The following PAWR variants were observed in gnomAD, a reference collection of about 807,000 sequenced individuals.
PAWR encodes PRKC apoptosis WT1 regulator protein.
A neutral mutation model predicts 32.0 loss-of-function variants in PAWR; 23 were observed. That is an observed-to-expected ratio of 0.72 (90% CI 0.52 to 1.02). The LOEUF is 1.02. Ranked by LOEUF, PAWR falls within the 50% of genes least tolerant of loss-of-function variation. PAWR has a pLI of 0.00. For missense variants in PAWR, 457 were observed against 437.7 expected (o/e 1.04, Z -0.39); for synonymous variants, 226 against 187.1 (o/e 1.21, Z -1.70).
In PAWR at chr12:79,590,246, C is replaced by A. The variant is rs145580068; in HGVS notation, c.*2361G>T. 6.8e-6 allele frequency: 1 copy of A among 147,454 alleles called. No homozygotes were observed. Among genetic ancestry groups the A allele is most frequent in the Non-Finnish European group, 1.5e-5 (1 of 67,492 alleles). The allele number at this position is 147,454 out of a possible 1,614,324, so 9.1% of individuals were successfully genotyped here. On this transcript the variant is annotated 3_prime_UTR_variant, in exon 7 of 7. Coordinates refer to ENST00000328827, the MANE Select transcript of PAWR (RefSeq NM_002583.4). ...CAGAGTTTCGCTCTTCTTGCCCAGG[C>A]TGGAGTACAATGGCGCAATCTCAGC...
chr12:79,610,448 T>C (rs1874381174), intron 4 of PAWR, among the ~76,000 whole-genome samples: 1 of 152,164 alleles, frequency 6.6e-6, no homozygotes, highest in Non-Finnish European at 1.5e-5. Context: ...AAAAGAATCA[T>C]AGTCATGTTT....
At position 79,587,642 on chromosome 12, in the gene PAWR, T is replaced by C. The variant is rs1873423216; in HGVS notation, c.*4965A>G. ...GTCTTAAATCATTGTCCACCTAAAA[T>C]AATATACCAAATAAAGATTTTTAAA... On this transcript the variant is annotated 3_prime_UTR_variant, in exon 7 of 7. Transcript: ENST00000328827. 2 of 151,984 alleles carry C rather than the reference T, an allele frequency of 1.3e-5. No homozygotes were observed. The highest frequency in any genetic ancestry group is 2.1e-4 in the South Asian group (1 of 4,826). The allele number at this position is 151,984 out of a possible 1,614,324, so 9.4% of individuals were successfully genotyped here.
chr12:79,625,928 T>G lies in PAWR; in HGVS notation c.517-4721A>C, dbSNP rs139838714. Among the ~76,000 whole-genome samples, 616 of 149,954 alleles carry G rather than the reference T, an allele frequency of 4.1e-3. 11 individuals carry two copies. The highest frequency in any genetic ancestry group is 0.014 in the African/African-American group (584 of 40,858). ...GCACAGTGGTTCAGCACATTGGGAG[T>G]CCGAGGCAGGCGGATCATGAGGTCA... On this transcript the variant is annotated intron_variant, in intron 2 of 6. Coordinates refer to ENST00000328827, the MANE Select transcript of PAWR (RefSeq NM_002583.4).
intron 2 of PAWR, among the ~76,000 whole-genome samples, chr12:79,672,550 G>C (rs1394747308): frequency 1.3e-5 from 2 of 151,926 alleles, no homozygotes; most frequent in African/African-American, 4.8e-5. Flanking sequence ...GCTCCATATA[G>C]AGGCTTTCCT....
intron 4 of PAWR, among the ~76,000 whole-genome samples, chr12:79,599,087 A>G (rs1305217529): frequency 6.6e-6 from 1 of 152,206 alleles, no homozygotes; most frequent in African/African-American, 2.4e-5. Flanking sequence ...AAAATAAAGA[A>G]TAAGGCCATC....
At chr12:79,659,311 T>C (rs559111850) in intron 2 of PAWR, among the ~76,000 whole-genome samples, 7 of 151,264 alleles carry the variant, frequency 4.6e-5, no homozygotes, top group Admixed American at 3.3e-4. Context: ...AAAAAAAAAA[T>C]CTAAATTCAA....
chr12:79,605,231 T>C (rs939359256), intron 4 of PAWR, among the ~76,000 whole-genome samples: 36 of 152,250 alleles, frequency 2.4e-4, no homozygotes, highest in African/African-American at 8.7e-4. Context: ...AAAATTTAAG[T>C]TGTTGCAGTT....
chr12:79,647,187 A>G (rs1025204766), intron 2 of PAWR, among the ~76,000 whole-genome samples: 5 of 151,988 alleles, frequency 3.3e-5, no homozygotes, highest in African/African-American at 9.7e-5. Flanking sequence ...AAAAAAAAAA[A>G]AAAGAAAAGG....
intron 2 of PAWR, among the ~76,000 whole-genome samples, chr12:79,668,788 T>G (rs1011602295): frequency 1.3e-5 from 2 of 152,200 alleles, no homozygotes; most frequent in African/African-American, 4.8e-5. Context: ...CTGTGTGGCC[T>G]GGTTCCTAAC....
intron 2 of PAWR, among the ~76,000 whole-genome samples, chr12:79,655,547 C>T (rs1359037848): frequency 6.6e-6 from 1 of 152,156 alleles, no homozygotes; most frequent in Non-Finnish European, 1.5e-5. Flanking sequence ...GTGATTTTAA[C>T]ATGTAGCTAA....
intron 5 of PAWR, among the ~76,000 whole-genome samples, chr12:79,596,057 C>T (rs1013904930): frequency 1.3e-5 from 2 of 152,032 alleles, no homozygotes; most frequent in African/African-American, 4.8e-5. Flanking sequence ...AAACAAAACA[C>T]ATTTTCAACA....
At chr12:79,634,297 T>A (rs1184022577) in intron 2 of PAWR, among the ~76,000 whole-genome samples, 2 of 152,088 alleles carry the variant, frequency 1.3e-5, no homozygotes, top group Non-Finnish European at 2.9e-5. Flanking sequence ...TTTTCTTTTT[T>A]AAAAAAATAA....
intron 2 of PAWR, among the ~76,000 whole-genome samples, chr12:79,675,549 C>A (rs1025901460): frequency 6.6e-6 from 1 of 152,104 alleles, no homozygotes; most frequent in African/African-American, 2.4e-5. Context: ...GAATCCTACA[C>A]AGCCATAAAA....
chr12:79,610,731 A>G (rs1874394959), intron 4 of PAWR, among the ~76,000 whole-genome samples: 1 of 151,626 alleles, frequency 6.6e-6, no homozygotes, highest in Non-Finnish European at 1.5e-5. Flanking sequence ...CACCCTGGGC[A>G]ACATAGAGAG....
rs1387093324 is a variant in PAWR at position 79,586,227 on chromosome 12, T to C, written c.*6380A>G. On this transcript the variant is annotated 3_prime_UTR_variant, in exon 7 of 7. Coordinates refer to ENST00000328827, the MANE Select transcript of PAWR (RefSeq NM_002583.4). ...ATCCATACATAAAATGTTTAATGTG[T>C]TATGGAAGGCTAACAGTTTTTCAAC... 6.6e-6 allele frequency: 1 copy of C among 152,598 alleles called. No individual in the cohort carries two copies. The highest frequency in any genetic ancestry group is 1.5e-5 in the Non-Finnish European group (1 of 68,044). The allele number at this position is 152,598 out of a possible 1,614,324, so 9.5% of individuals were successfully genotyped here. A position where few individuals can be genotyped will look rare whatever the true frequency, so the allele number is the denominator to read the frequency against.
intron 2 of PAWR, among the ~76,000 whole-genome samples, chr12:79,625,442 C>T (rs903192218): frequency 6.6e-6 from 1 of 151,936 alleles, no homozygotes; most frequent in African/African-American, 2.4e-5. Context: ...AAAAAGAAAT[C>T]ATATACACAT....
At chr12:79,642,109 AT>A (rs1876354901) in intron 2 of PAWR, among the ~76,000 whole-genome samples, 2 of 152,314 alleles carry the variant, frequency 1.3e-5, no homozygotes, top group South Asian at 4.1e-4. Context: ...ATACTAGTAT[AT>A]AAAAAGGGAA....
Position 79,689,842 on chromosome 12 carries a change from C to G in PAWR, c.403G>C (p.Glu135Gln). 6.3e-7 allele frequency: 1 copy of G among 1,589,280 alleles called. No homozygotes were observed. Among genetic ancestry groups the G allele is most frequent in the Non-Finnish European group, 8.6e-7 (1 of 1,169,040 alleles). ...RDEEEPDGVP[E>Q]KGKSSGPSAR... The stretch of plus-strand genomic sequence containing the variant: ...CTGGGGCCCGAGCTCTTGCCCTTCT[C>G]TGGGACGCCGTCCGGCTCCTCCTCG... The change falls in exon 2 of 7, where the codon GAG becomes CAG. Residue 135 changes from glutamate (E) to glutamine (Q), a missense_variant. By Grantham distance (29) the Glu-to-Gln change is conservative (BLOSUM62 2). Coordinates refer to ENST00000328827, the MANE Select transcript of PAWR (RefSeq NM_002583.4).
intron 2 of PAWR, among the ~76,000 whole-genome samples, chr12:79,686,938 C>T (rs182755907): frequency 7.1e-4 from 108 of 152,180 alleles, no homozygotes; most frequent in Non-Finnish European, 3.5e-4. Context: ...TATACACTGC[C>T]GTGTTCTTAT....
Sources: allele counts gnomAD v4.1 joint callset (sites outside exome capture counted in the v4.1 genomes callset), GRCh38; gene constraint gnomAD v4.1.1; transcripts MANE v1.5; gene names NCBI Gene and HGNC (gene_info 2026-07-23, HGNC 2026-07-21).